Variants in DMD observed in about 807,000 individuals in gnomAD.
The protein encoded by DMD is dystrophin.
A neutral mutation model predicts 330.1 loss-of-function variants in DMD; 63 were observed. That is an observed-to-expected ratio of 0.19 (90% CI 0.16 to 0.24). The LOEUF is 0.24. Ranked by LOEUF, DMD falls within the 10% of genes least tolerant of loss-of-function variation. The pLI, the probability that DMD is intolerant of heterozygous loss-of-function variation, is 1.00. For missense variants in DMD, 3,344 were observed against 2,684.1 expected, an observed-to-expected ratio of 1.25 and a Z score of -5.43; for synonymous variants, 1,223 against 959.8, an observed-to-expected ratio of 1.27 and a Z score of -5.07.
At chrX:31,183,598 T>A (rs1490603339) in intron 67 of DMD, among the ~76,000 whole-genome samples, 1 of 111,881 alleles carries the variant, frequency 8.9e-6, no homozygotes, top group Non-Finnish European at 1.9e-5. Flanking sequence ...CTCAACAATC[T>A]CAAAATACCA....
rs776425556 is a variant in DMD at position 32,259,831 on chromosome X, T to C, written c.6290+27698A>G. ...AGCTTATAATTTGTCTAATAAGGAA[T>C]AGCCAACAATTATTACAATAGGAGA... On this transcript the variant is annotated intron_variant, in intron 43 of 78. Transcript: ENST00000357033. Among the ~76,000 whole-genome samples the C allele has an allele frequency of 2.2e-4, 25 of 111,490 alleles. No individual in the cohort carries two copies. In the East Asian group the frequency reaches 5.4e-3, roughly 24 times the overall value.
At chrX:32,727,121 T>G (rs1297385046) in intron 7 of DMD, among the ~76,000 whole-genome samples, 2 of 111,196 alleles carry the variant, frequency 1.8e-5, no homozygotes, top group Non-Finnish European at 3.8e-5. Context: ...TCATCTTTAA[T>G]AATTATAATA....
intron 44 of DMD, among the ~76,000 whole-genome samples, chrX:32,027,332 C>T (rs939326375): frequency 1.4e-4 from 15 of 110,244 alleles, no homozygotes; most frequent in Non-Finnish European, 2.8e-4. Flanking sequence ...CATTTTTCTC[C>T]CTTAAACATG....
At chrX:32,521,714 G>C (rs949718590) in intron 17 of DMD, among the ~76,000 whole-genome samples, 1 of 112,248 alleles carries the variant, frequency 8.9e-6, no homozygotes, top group Non-Finnish European at 1.9e-5. Context: ...CCTCAAACTA[G>C]TACTCTATCA....
chrX:31,336,126 C>T (rs1340934772), intron 61 of DMD, among the ~76,000 whole-genome samples: 1 of 112,582 alleles, frequency 8.9e-6, no homozygotes, highest in Non-Finnish European at 1.9e-5. Context: ...ACTAAAGGGT[C>T]CCTAAGGATG....
At chrX:31,322,567 A>C (rs2056501383) in intron 62 of DMD, among the ~76,000 whole-genome samples, 1 of 112,261 alleles carries the variant, frequency 8.9e-6, no homozygotes, top group Non-Finnish European at 1.9e-5. Context: ...CTCCTGAAAG[A>C]GTCAAAAGAC....
At chrX:33,017,150 A>C (rs7883276) in intron 2 of DMD, among the ~76,000 whole-genome samples, 11,022 of 111,126 alleles carry the variant, frequency 0.099, 760 homozygotes, top group African/African-American at 0.23. Context: ...TGGTACCAGG[A>C]AAGTGGAAAA....
intron 2 of DMD, among the ~76,000 whole-genome samples, chrX:32,935,953 T>A (rs1450905383): frequency 9.0e-6 from 1 of 111,290 alleles, no homozygotes; most frequent in Admixed American, 9.6e-5. Context: ...GGGGTGGACA[T>A]AGGAGGTAAT....
intron 60 of DMD, among the ~76,000 whole-genome samples, chrX:31,391,595 G>T (rs974323593): frequency 9.0e-6 from 1 of 110,560 alleles, no homozygotes; most frequent in Admixed American, 9.7e-5. Flanking sequence ...CACATTGGCT[G>T]GGTGCGGTGA....
At chrX:31,747,382 T>C (rs2087934422) in intron 51 of DMD, among the ~76,000 whole-genome samples, 1 of 111,843 alleles carries the variant, frequency 8.9e-6, no homozygotes, top group African/African-American at 3.3e-5. Flanking sequence ...TATATTTCCC[T>C]ATAGGAGCAC....
intron 55 of DMD, among the ~76,000 whole-genome samples, chrX:31,540,967 A>G (rs890380346): frequency 5.4e-5 from 6 of 111,954 alleles, no homozygotes; most frequent in African/African-American, 9.7e-5. Flanking sequence ...CCCTTTTGAG[A>G]GTGTGGGAGA....
chrX:32,383,113 A>C (rs1018562344), intron 33 of DMD, among the ~76,000 whole-genome samples: 4 of 110,881 alleles, frequency 3.6e-5, no homozygotes, highest in Non-Finnish European at 5.7e-5. Flanking sequence ...CAGCTTTAAT[A>C]TCTCTTAATA....
intron 62 of DMD, among the ~76,000 whole-genome samples, chrX:31,321,947 A>G (rs781382591): frequency 9.0e-6 from 1 of 111,615 alleles, no homozygotes; most frequent in African/African-American, 3.3e-5. Flanking sequence ...TTGTAGTAGA[A>G]GTAACATCAG....
intron 61 of DMD, among the ~76,000 whole-genome samples, chrX:31,336,920 TTC>T (rs1227298299): frequency 4.1e-5 from 4 of 97,650 alleles, no homozygotes; most frequent in Non-Finnish European, 8.2e-5. Flanking sequence ...ATTCTTTTCT[TTC>T]TTTCTTTTTT....
At chrX:32,958,892 C>A (rs2091743094) in intron 2 of DMD, among the ~76,000 whole-genome samples, 1 of 110,245 alleles carries the variant, frequency 9.1e-6, no homozygotes, top group African/African-American at 3.3e-5. Flanking sequence ...AGAAAAAACA[C>A]TTCTTAGATA....
At chrX:31,565,268 G>A (rs2075406004) in intron 55 of DMD, among the ~76,000 whole-genome samples, 2 of 110,493 alleles carry the variant, frequency 1.8e-5, no homozygotes, top group Admixed American at 1.9e-4. Context: ...TTGCCCTTTT[G>A]GAGTCACATC....
intron 7 of DMD, among the ~76,000 whole-genome samples, chrX:32,798,309 A>G (rs2076318378): frequency 9.3e-6 from 1 of 107,914 alleles, no homozygotes; most frequent in Non-Finnish European, 1.9e-5. Context: ...ACTGGTTCCA[A>G]CTGCCCAGAA....
At chrX:31,189,016 G>A (rs2042068219) in intron 67 of DMD, among the ~76,000 whole-genome samples, 1 of 109,609 alleles carries the variant, frequency 9.1e-6, no homozygotes, top group African/African-American at 3.3e-5. Context: ...AGAACTTTTG[G>A]ATTTCTTTGA....
At chrX:32,196,298 TA>T (rs1225874787) in intron 44 of DMD, among the ~76,000 whole-genome samples, 1 of 111,679 alleles carries the variant, frequency 9.0e-6, no homozygotes, top group Non-Finnish European at 1.9e-5. Flanking sequence ...GCTCCAGATA[TA>T]AAAAAAATTT....
Sources: allele counts gnomAD v4.1 joint callset (sites outside exome capture counted in the v4.1 genomes callset), GRCh38; gene constraint gnomAD v4.1.1; transcripts MANE v1.5; gene names NCBI Gene and HGNC (gene_info 2026-07-23, HGNC 2026-07-21).